KCNK2: variants seen among roughly 807,000 people sequenced by gnomAD.
The protein encoded by KCNK2 is potassium channel subfamily K member 2.
In KCNK2, 21 loss-of-function variants were observed where a neutral mutation model predicts 40.5. The ratio of observed to expected loss-of-function variants is 0.52; its 90% CI spans 0.37 to 0.75. The LOEUF (loss-of-function observed/expected upper bound fraction) is 0.75, where lower values mean the gene tolerates loss of function less well. Ranked by LOEUF, KCNK2 falls within the 30% of genes least tolerant of loss-of-function variation. The probability of loss-of-function intolerance (pLI) is 0.00; values close to 1 mark genes in which losing one functional copy is unlikely to be tolerated. For synonymous variants in KCNK2, 191 were observed against 202.2 expected (o/e 0.94, Z 0.47); for missense variants, 399 against 531.6 (o/e 0.75, Z 2.45).
chr1:215,072,825 T>C (rs759246939), intron 1 of KCNK2, among the ~76,000 whole-genome samples: 1 of 152,218 alleles, frequency 6.6e-6, no homozygotes, highest in Non-Finnish European at 1.5e-5. Flanking sequence ...CCCTTGTCTA[T>C]TGGAATTTGT....
intron 5 of KCNK2, among the ~76,000 whole-genome samples, chr1:215,186,475 G>A (rs754790076): frequency 2.6e-4 from 39 of 151,830 alleles, no homozygotes; most frequent in African/African-American, 7.8e-4. Context: ...TTTATATATC[G>A]TAATACTTAT....
chr1:215,069,670 A>G (rs1056620863), intron 1 of KCNK2, among the ~76,000 whole-genome samples: 7 of 152,240 alleles, frequency 4.6e-5, no homozygotes, highest in African/African-American at 1.7e-4. Context: ...TGGGGTTTAT[A>G]TAATTTTCAC....
intron 1 of KCNK2, among the ~76,000 whole-genome samples, chr1:215,020,333 T>C (rs1412383332): frequency 6.6e-6 from 1 of 152,236 alleles, no homozygotes; most frequent in African/African-American, 2.4e-5. Flanking sequence ...AAATTGGTGA[T>C]AACACTTATT....
At chr1:215,192,335 T>C (rs1250100826) in intron 5 of KCNK2, among the ~76,000 whole-genome samples, 2 of 152,104 alleles carry the variant, frequency 1.3e-5, no homozygotes, top group Admixed American at 1.3e-4. Flanking sequence ...AGGAAAAGCA[T>C]TTTTTTCCCC....
intron 2 of KCNK2, among the ~76,000 whole-genome samples, chr1:215,088,480 GT>G (rs1659552026): frequency 6.6e-6 from 1 of 150,786 alleles, no homozygotes; most frequent in Non-Finnish European, 1.5e-5. Context: ...TGTGGTTATT[GT>G]TTTCCTCTCT....
rs1381677853 is a variant in KCNK2, at chr1:215,234,923, C to T, written c.1059C>T (p.Asp353=). The change falls in exon 7 of 7, where the codon GAC becomes GAT. Residue 353 remains aspartate, a synonymous_variant. Coordinates refer to ENST00000444842, the MANE Select transcript of KCNK2 (RefSeq NM_001017425.3). ...GGCGACTGAGTGTGGAGATTTATGA[C>T]AAGTTCCAGCGGGCCACCTCCATCA... ...TRRRLSVEIY[D]KFQRATSIKR... is the part of the protein sequence containing the mutation. 1.2e-6 allele frequency: 2 copies of T among 1,614,106 alleles called. No homozygotes were observed. The highest frequency in any genetic ancestry group is 1.7e-4 in the Middle Eastern group (1 of 6,060).
chr1:215,082,655 TAGG>T, upstream of KCNK2, among the ~76,000 whole-genome samples: 1 of 149,282 alleles, frequency 6.7e-6, no homozygotes, highest in East Asian at 2.0e-4. Context: ...AGGGTAGGGC[TAGG>T]AGGAGGTGCG....
At chr1:215,141,574 A>G (rs1181051018) in intron 3 of KCNK2, among the ~76,000 whole-genome samples, 1 of 152,122 alleles carries the variant, frequency 6.6e-6, no homozygotes, top group African/African-American at 2.4e-5. Context: ...CTTTTCTTAA[A>G]TGAAGGTACA....
At chr1:215,168,840 C>T (rs1051962887) in intron 3 of KCNK2, among the ~76,000 whole-genome samples, 3 of 151,684 alleles carry the variant, frequency 2.0e-5, no homozygotes, top group African/African-American at 7.3e-5. Context: ...ACACATTCTG[C>T]AATTGTATCC....
intron 6 of KCNK2, among the ~76,000 whole-genome samples, chr1:215,219,002 C>T (rs180695116): frequency 6.6e-6 from 1 of 152,320 alleles, no homozygotes; most frequent in Admixed American, 6.5e-5. Flanking sequence ...TTGTATGCTT[C>T]ATTATTTTTT....
intron 1 of KCNK2, among the ~76,000 whole-genome samples, chr1:215,026,298 T>A (rs1656998055): frequency 6.6e-6 from 1 of 152,050 alleles, no homozygotes; most frequent in South Asian, 2.1e-4. Context: ...ACATCTACCA[T>A]TTGTTTACTG....
intron 3 of KCNK2, among the ~76,000 whole-genome samples, chr1:215,154,535 G>T (rs1224801346): frequency 6.6e-6 from 1 of 151,854 alleles, no homozygotes; most frequent in Non-Finnish European, 1.5e-5. Context: ...TAGGTTGCTT[G>T]TTCACTCTGA....
At chr1:215,103,422 A>G (rs1262872212) in intron 2 of KCNK2, among the ~76,000 whole-genome samples, 1 of 152,034 alleles carries the variant, frequency 6.6e-6, no homozygotes, top group African/African-American at 2.4e-5. Flanking sequence ...AAAATCTTCC[A>G]CAAGATTGAT....
At chr1:215,062,639 A>G (rs936463688) in intron 1 of KCNK2, among the ~76,000 whole-genome samples, 5 of 151,350 alleles carry the variant, frequency 3.3e-5, no homozygotes, top group Admixed American at 6.6e-5. Flanking sequence ...AGTTTTATTT[A>G]TGATAATTAG....
intron 2 of KCNK2, among the ~76,000 whole-genome samples, chr1:215,105,121 A>G (rs996866469): frequency 6.6e-6 from 1 of 152,132 alleles, no homozygotes; most frequent in African/African-American, 2.4e-5. Context: ...CTAATACAGT[A>G]TCGTTGACTA....
chr1:215,216,688 C>T (rs1331021959), intron 6 of KCNK2, among the ~76,000 whole-genome samples: 1 of 151,932 alleles, frequency 6.6e-6, no homozygotes, highest in Non-Finnish European at 1.5e-5. Context: ...AACCCAATAG[C>T]ATATCTAAAC....
intron 2 of KCNK2, among the ~76,000 whole-genome samples, chr1:215,115,390 C>A (rs1660887597): frequency 6.6e-6 from 1 of 152,104 alleles, no homozygotes; most frequent in Non-Finnish European, 1.5e-5. Flanking sequence ...CAGAGAAAAA[C>A]ATCCTTTTTC....
intron 3 of KCNK2, among the ~76,000 whole-genome samples, chr1:215,156,971 A>G (rs1662957967): frequency 6.6e-6 from 1 of 151,932 alleles, no homozygotes; most frequent in Non-Finnish European, 1.5e-5. Context: ...GAATCACTTG[A>G]ACCTGGGAGG....
chr1:215,217,038 T>A (rs557653002), intron 6 of KCNK2, among the ~76,000 whole-genome samples: 5 of 152,266 alleles, frequency 3.3e-5, no homozygotes, highest in Non-Finnish European at 4.4e-5. Flanking sequence ...AAAGACTAAC[T>A]GCAGGGACAA....
Sources: allele counts gnomAD v4.1 joint callset (sites outside exome capture counted in the v4.1 genomes callset), GRCh38; gene constraint gnomAD v4.1.1; transcripts MANE v1.5; gene names NCBI Gene and HGNC (gene_info 2026-07-23, HGNC 2026-07-21).